The following ATP7A variants were observed in gnomAD, a reference collection of about 807,000 sequenced individuals.
ATP7A encodes ATPase copper transporting alpha, also known as copper-transporting ATPase 1.
In ATP7A, 7 loss-of-function variants were observed where a neutral mutation model predicts 83.5. The ratio of observed to expected loss-of-function variants is 0.08; its 90% CI spans 0.05 to 0.16. The LOEUF (loss-of-function observed/expected upper bound fraction) is 0.16, where lower values mean the gene tolerates loss of function less well. ATP7A is among the 10% of genes least tolerant of loss of function. The pLI is 1.00. For missense variants in ATP7A, 940 were observed against 1,120.8 expected, an observed-to-expected ratio of 0.84 and a Z score of 2.30; for synonymous variants, 354 against 395.2, an observed-to-expected ratio of 0.90 and a Z score of 1.24.
intron 1 of ATP7A, among the ~76,000 whole-genome samples, chrX:77,929,543 G>A (rs1557223948): frequency 2.7e-5 from 3 of 111,506 alleles, no homozygotes; most frequent in Non-Finnish European, 5.6e-5. Flanking sequence ...TCTAGAAGGA[G>A]AAAAGTTTTA....
At chrX:78,002,490 AAAC>A (rs2077746615) in intron 5 of ATP7A, among the ~76,000 whole-genome samples, 6 of 111,437 alleles carry the variant, frequency 5.4e-5, no homozygotes, top group African/African-American at 2.0e-4. Flanking sequence ...CATCCAAGTC[AAAC>A]AAAAAACTGT....
chrX:77,989,770 T>C lies in ATP7A; in HGVS notation c.1148T>C (p.Ile383Thr). The change falls in exon 4 of 23, where the codon ATT (isoleucine) becomes ACT (threonine). Residue 383 changes from isoleucine to threonine, a missense_variant. Physicochemically the swap from Ile to Thr is moderately conservative, Grantham distance 89. Coordinates refer to ENST00000341514, the MANE Select transcript of ATP7A (RefSeq NM_000052.7). ...QPLTQETVINIDGMTCNSCVQ... is the reference protein window; with the variant it reads ...QPLTQETVINTDGMTCNSCVQ... Reference sequence around the variant, plus strand: ...CTGACACAAGAAACTGTGATAAACATTGATGGCATGACTTGTAATTCCTGT... The same window carrying C: ...CTGACACAAGAAACTGTGATAAACACTGATGGCATGACTTGTAATTCCTGT... 1 of 1,211,444 alleles carries C rather than the reference T, an allele frequency of 8.3e-7. No homozygotes were observed. The highest frequency in any genetic ancestry group is 1.1e-6 in the Non-Finnish European group (1 of 895,224).
intron 1 of ATP7A, among the ~76,000 whole-genome samples, chrX:77,946,750 A>C (rs1157480857): frequency 9.2e-6 from 1 of 108,170 alleles, no homozygotes; most frequent in Non-Finnish European, 1.9e-5. Flanking sequence ...AAAAAAAAAA[A>C]CCTCAGAAAA....
At chrX:77,953,339 T>C (rs2077424154) in intron 1 of ATP7A, among the ~76,000 whole-genome samples, 1 of 111,878 alleles carries the variant, frequency 8.9e-6, no homozygotes. Flanking sequence ...GTTTGTTACA[T>C]GGGTATTACA....
intron 1 of ATP7A, among the ~76,000 whole-genome samples, chrX:77,952,737 G>A (rs782624685): frequency 2.8e-5 from 3 of 108,957 alleles, no homozygotes; most frequent in Non-Finnish European, 5.7e-5. Context: ...TTTTCTTGTA[G>A]TTTATTCTTA....
chrX:77,926,527 C>T (rs1240395540), intron 1 of ATP7A, among the ~76,000 whole-genome samples: 6 of 110,482 alleles, frequency 5.4e-5, no homozygotes, highest in South Asian at 3.9e-4. Context: ...GACAGGGTTT[C>T]GCCACATTGG....
intron 6 of ATP7A, among the ~76,000 whole-genome samples, chrX:78,004,140 G>A (rs1557233475): frequency 9.0e-6 from 1 of 111,405 alleles, no homozygotes; most frequent in African/African-American, 3.3e-5. Context: ...AAGATTTCCA[G>A]GATGTATTAT....
intron 2 of ATP7A, among the ~76,000 whole-genome samples, chrX:77,986,885 A>G (rs186035971): frequency 8.9e-6 from 1 of 111,940 alleles, no homozygotes; most frequent in African/African-American, 3.2e-5. Context: ...ATCTAATCAC[A>G]TAATTCTCTG....
At chrX:78,008,406 C>G (rs1305974092) in intron 6 of ATP7A, among the ~76,000 whole-genome samples, 4 of 111,488 alleles carry the variant, frequency 3.6e-5, no homozygotes, top group Non-Finnish European at 7.5e-5. Flanking sequence ...CCCAGCTAAA[C>G]TATAACCCCA....
At chrX:78,045,688 A>G in intron 22 of ATP7A, 116 bp downstream of exon 22, 1 of 772,785 alleles carries the variant, frequency 1.3e-6, no homozygotes, top group South Asian at 2.3e-5. Flanking sequence ...TCTTAATGAG[A>G]ATTATTATTA....
chrX:78,011,525 G>C lies in ATP7A; in HGVS notation c.2023G>C (p.Asp675His). 8.3e-7 allele frequency: 1 copy of C among 1,210,150 alleles called. No individual in the cohort carries two copies. The highest frequency in any genetic ancestry group is 1.1e-6 in the Non-Finnish European group (1 of 894,803). The change falls in exon 9 of 23, where the codon GAC becomes CAC. Residue 675 changes from aspartate (D) to histidine (H), a missense_variant. Asp to His is a moderately conservative substitution (Grantham distance 81). Around this residue, in one of 3 missense-constraint regions of ATP7A, gnomAD observed 204 missense variants for 185.8 expected, o/e 1.10. Transcript: ENST00000341514. ...MGLMIYMMVM[D>H]HHFATLHHNQ... The stretch of plus-strand genomic sequence containing the variant: ...GCTGATGATATATATGATGGTTATG[G>C]ACCACCACTTTGCAACTCTTCACCA...
At chrX:77,984,653 A>C (rs1295857252) in intron 2 of ATP7A, among the ~76,000 whole-genome samples, 1 of 111,623 alleles carries the variant, frequency 9.0e-6, no homozygotes, top group Non-Finnish European at 1.9e-5. Context: ...GGTGTGAGCC[A>C]CCACGCCCAG....
chrX:77,938,731 G>T (rs2077334022), intron 1 of ATP7A, among the ~76,000 whole-genome samples: 1 of 112,205 alleles, frequency 8.9e-6, no homozygotes, highest in African/African-American at 3.2e-5. Context: ...ACTTCACAAT[G>T]CACAGCACAG....
chrX:78,010,869 G>A (rs1047464789), intron 7 of ATP7A, among the ~76,000 whole-genome samples: 3 of 110,657 alleles, frequency 2.7e-5, no homozygotes, highest in East Asian at 2.8e-4. Context: ...ATGAGCCACC[G>A]TGCCCGGCCT....
chrX:77,932,449 C>T (rs1176627625), intron 1 of ATP7A, among the ~76,000 whole-genome samples: 19 of 109,791 alleles, frequency 1.7e-4, no homozygotes, highest in African/African-American at 5.7e-4. Context: ...CGGCTCCTCA[C>T]GTCCCAGACG....
intron 1 of ATP7A, among the ~76,000 whole-genome samples, chrX:77,927,285 T>A (rs1201445275): frequency 9.0e-6 from 1 of 111,520 alleles, no homozygotes; most frequent in Non-Finnish European, 1.9e-5. Context: ...TTAACTGATC[T>A]GGTATGATTT....
At chrX:78,004,549 G>C (rs1383985648) in intron 6 of ATP7A, among the ~76,000 whole-genome samples, 2 of 109,856 alleles carry the variant, frequency 1.8e-5, no homozygotes, top group African/African-American at 3.3e-5. Context: ...AGGAGTTCAC[G>C]ACCAGCCCAG....
chrX:77,989,104 A>T, intron 3 of ATP7A, 129 bp from the exon 4 acceptor site: 4 of 843,638 alleles, frequency 4.7e-6, no homozygotes, highest in South Asian at 2.7e-5. Context: ...AAAAGAAAAA[A>T]AATTAAGAAA....
chrX:77,912,776 G>A (rs1292367547), intron 1 of ATP7A, among the ~76,000 whole-genome samples: 1 of 111,911 alleles, frequency 8.9e-6, no homozygotes, highest in Non-Finnish European at 1.9e-5. Context: ...TTTTCCCCAA[G>A]GAATCTCTGC....
Sources: allele counts gnomAD v4.1 joint callset (sites outside exome capture counted in the v4.1 genomes callset), GRCh38; gene constraint gnomAD v4.1.1; regional missense constraint gnomAD v4.1.1; transcripts MANE v1.5; gene names NCBI Gene and HGNC (gene_info 2026-07-23, HGNC 2026-07-21).